Variants in OSBPL9 observed in about 807,000 individuals in gnomAD.
OSBPL9 encodes the protein oxysterol binding protein like 9.
Under a neutral mutation model 106.6 loss-of-function variants are expected in OSBPL9, and 40 were observed. The observed-to-expected ratio is 0.38, with a 90% confidence interval of 0.29 to 0.49. The LOEUF (loss-of-function observed/expected upper bound fraction) is 0.49, where lower values mean the gene tolerates loss of function less well. OSBPL9 is among the 20% of genes least tolerant of loss of function. The pLI is 0.97. For missense variants in OSBPL9, 609 were observed against 887.2 expected (o/e 0.69, Z 3.98); for synonymous variants, 269 against 295.4 (o/e 0.91, Z 0.92).
chr1:51,580,857 T>C (rs1645215994), intron 1 of OSBPL9, among the ~76,000 whole-genome samples: 1 of 129,552 alleles, frequency 7.7e-6, no homozygotes, highest in African/African-American at 2.8e-5. Flanking sequence ...ATGACCATTG[T>C]TAACATTTTG....
intron 2 of OSBPL9, among the ~76,000 whole-genome samples, chr1:51,666,858 A>G (rs1174418013): frequency 6.6e-6 from 1 of 152,252 alleles, no homozygotes; most frequent in African/African-American, 2.4e-5. Flanking sequence ...TAAACATGTG[A>G]GTCTCTAATA....
At chr1:51,721,007 C>A (rs976562232) in intron 4 of OSBPL9, among the ~76,000 whole-genome samples, 14 of 151,780 alleles carry the variant, frequency 9.2e-5, no homozygotes, top group Admixed American at 1.3e-4. Context: ...CCCTGTTGGC[C>A]AGGCTGGTCT....
the OSBPL9 span, among the ~76,000 whole-genome samples, chr1:51,568,505 C>A: frequency 3.9e-5 from 6 of 152,152 alleles, no homozygotes; most frequent in Non-Finnish European, 8.8e-5. Flanking sequence ...GCCCAGAAAG[C>A]CTTATCTGCC....
chr1:51,604,631 G>T (rs1266676657), intron 2 of OSBPL9, among the ~76,000 whole-genome samples: 6 of 152,160 alleles, frequency 3.9e-5, no homozygotes, highest in Admixed American at 3.9e-4. Context: ...TGGTTTTGAA[G>T]ACCAAATATG....
chr1:51,766,185 A>C (rs1672519294), intron 12 of OSBPL9, among the ~76,000 whole-genome samples: 1 of 152,192 alleles, frequency 6.6e-6, no homozygotes, highest in Non-Finnish European at 1.5e-5. Context: ...TTATTGAGCA[A>C]AGCCAGTTCT....
chr1:51,592,152 T>C (rs1240147782), intron 1 of OSBPL9, among the ~76,000 whole-genome samples: 2 of 142,442 alleles, frequency 1.4e-5, no homozygotes, highest in Non-Finnish European at 3.0e-5. Context: ...TCTCGCTCTG[T>C]CGCCCAGGCT....
At chr1:51,600,527 CT>C (rs1239544643) in intron 2 of OSBPL9, among the ~76,000 whole-genome samples, 8 of 152,204 alleles carry the variant, frequency 5.3e-5, no homozygotes, top group African/African-American at 1.2e-4. Flanking sequence ...TTATTATGTT[CT>C]TTTTTTCTTC....
upstream of OSBPL9, among the ~76,000 whole-genome samples, chr1:51,575,121 A>G (rs1645175421): frequency 6.6e-6 from 1 of 152,194 alleles, no homozygotes; most frequent in Non-Finnish European, 1.5e-5. Context: ...AGAGGCCTTC[A>G]GGGTAAACTT....
At chr1:51,703,326 G>A (rs1186947654) in intron 3 of OSBPL9, among the ~76,000 whole-genome samples, 2 of 151,912 alleles carry the variant, frequency 1.3e-5, no homozygotes, top group South Asian at 2.1e-4. Context: ...ATTGAGCAGT[G>A]GTTTGTAGTT....
chr1:51,761,987 AT>A lies in OSBPL9; in HGVS notation c.778+19del, dbSNP rs1182070163. On this transcript the variant is annotated intron_variant, in intron 11 of 23. Transcript: ENST00000428468. ...AATAGTACAGGTACAGATTTGCATA[AT>A]TTCTTTATGTCTCATAACTCTATTA... 1 of 1,540,858 alleles carries A rather than the reference AT, an allele frequency of 6.5e-7. No individual in the cohort carries two copies. The highest frequency in any genetic ancestry group is 9.0e-7 in the Non-Finnish European group (1 of 1,113,710).
At chr1:51,650,810 G>A (rs539701264) in intron 1 of OSBPL9, among the ~76,000 whole-genome samples, 21 of 152,250 alleles carry the variant, frequency 1.4e-4, no homozygotes, top group Middle Eastern at 3.4e-3. Context: ...TTACTTTGTT[G>A]TATTGCACAT....
At chr1:51,587,181 C>T (rs1645251457) in intron 1 of OSBPL9, among the ~76,000 whole-genome samples, 1 of 152,122 alleles carries the variant, frequency 6.6e-6, no homozygotes, top group African/African-American at 2.4e-5. Flanking sequence ...GCCTGGCCAA[C>T]ATGAGAAACC....
chr1:51,621,474 C>A (rs1644430875), intron 1 of OSBPL9, among the ~76,000 whole-genome samples: 1 of 151,186 alleles, frequency 6.6e-6, no homozygotes. Context: ...CCACTGCACT[C>A]CAGCCTGGGC....
At chr1:51,636,350 TC>T (rs1419432370) in intron 1 of OSBPL9, among the ~76,000 whole-genome samples, 1 of 150,854 alleles carries the variant, frequency 6.6e-6, no homozygotes, top group South Asian at 2.1e-4. Context: ...TTTTTTTTTT[TC>T]CCTTTGAGAC....
intron 4 of OSBPL9, chr1:51,724,899 G>A: frequency 4.9e-6 from 1 of 202,058 alleles, no homozygotes; most frequent in Non-Finnish European, 1.0e-5. Flanking sequence ...AAGGGCACAG[G>A]AAAGGGTGTC....
chr1:51,767,393 TA>T (rs757038967), intron 12 of OSBPL9, among the ~76,000 whole-genome samples: 742 of 138,542 alleles, frequency 5.4e-3, no homozygotes, highest in Middle Eastern at 0.011. Flanking sequence ...GACTCTGTCT[TA>T]AAAAAAAAAA....
At chr1:51,709,223 G>T in intron 3 of OSBPL9, 1 of 203,276 alleles carries the variant, frequency 4.9e-6, no homozygotes, top group South Asian at 9.2e-5. Context: ...ACAAAGGCGT[G>T]GTGTGGTGGG....
intron 1 of OSBPL9, among the ~76,000 whole-genome samples, chr1:51,580,416 G>A (rs10888728): frequency 0.16 from 24,070 of 152,170 alleles, 3,687 homozygotes; most frequent in African/African-American, 0.4. Flanking sequence ...AGACAATAAT[G>A]TAACTATTGC....
chr1:51,640,496 ATC>A (rs143016957), intron 1 of OSBPL9, among the ~76,000 whole-genome samples: 277 of 152,284 alleles, frequency 1.8e-3, no homozygotes, highest in South Asian at 4.6e-3. Flanking sequence ...GATATTATTA[ATC>A]TCTAATTGTT....
Sources: allele counts gnomAD v4.1 joint callset (sites outside exome capture counted in the v4.1 genomes callset), GRCh38; gene constraint gnomAD v4.1.1; transcripts MANE v1.5; gene names NCBI Gene and HGNC (gene_info 2026-07-23, HGNC 2026-07-21).